The following CIDEC variants were observed in gnomAD, a reference collection of about 807,000 sequenced individuals.
CIDEC encodes cell death inducing DFFA like effector c, also known as lipid transferase CIDEC.
Under a neutral mutation model 21.9 loss-of-function variants are expected in CIDEC, and 11 were observed. That is an observed-to-expected ratio of 0.50 (90% CI 0.32 to 0.83). CIDEC has a LOEUF of 0.83. CIDEC is among the 40% of genes least tolerant of loss of function. The pLI, the probability that CIDEC is intolerant of heterozygous loss-of-function variation, is 0.04. For synonymous variants in CIDEC, 127 were observed against 124.9 expected, an observed-to-expected ratio of 1.02 and a Z score of -0.11; for missense variants, 302 against 302.3, an observed-to-expected ratio of 1.00 and a Z score of 0.01.
Position 9,866,917 on chromosome 3 carries a change from G to T in CIDEC, c.*217C>A. 1 of 652,478 alleles carries T rather than the reference G, an allele frequency of 1.5e-6. No individual in the cohort carries two copies. 40.4% of individuals were successfully genotyped at this position (652,478 alleles called of 1,614,324 possible). A position where few individuals can be genotyped will look rare whatever the true frequency, so the allele number is the denominator to read the frequency against. ...AGTCTGGATGGGCTAAGCTGCCTTGGGCAGGAAGGAGCTGGATCAGGCCAG... is the reference window on the plus strand; with the variant it reads ...AGTCTGGATGGGCTAAGCTGCCTTGTGCAGGAAGGAGCTGGATCAGGCCAG... On this transcript the variant is annotated 3_prime_UTR_variant, in exon 7 of 7. Transcript: ENST00000336832.
At chr3:9,877,328 C>T (rs2082440532) in intron 3 of CIDEC, 109 bp from the exon 4 acceptor site, 1 of 1,021,088 alleles carries the variant, frequency 9.8e-7, no homozygotes, top group East Asian at 2.6e-5. Context: ...GATCAGTCAA[C>T]CCCCCATCAC....
Position 9,878,985 on chromosome 3 carries a change from T to A in CIDEC, c.-69A>T, listed in dbSNP as rs2082468450. The A allele has an allele frequency of 4.6e-6, 3 of 656,926 alleles. No individual in the cohort carries two copies. The South Asian group carries it at 5.2e-5, about 11-fold the overall frequency. 40.7% of individuals were successfully genotyped at this position (656,926 alleles called of 1,614,324 possible). Reference sequence around the variant, plus strand: ...ACAGGCAGGCAGCCCAGTCAAAGCCTCCTCTCTCCCATGGGTCCTTGAGCA... The same window carrying A: ...ACAGGCAGGCAGCCCAGTCAAAGCCACCTCTCTCCCATGGGTCCTTGAGCA... On this transcript the variant is annotated 5_prime_UTR_variant, in exon 2 of 7. Transcript: ENST00000336832.
At chr3:9,870,715 T>A (rs1307200460) in intron 4 of CIDEC, among the ~76,000 whole-genome samples, 1 of 152,146 alleles carries the variant, frequency 6.6e-6, no homozygotes, top group East Asian at 1.9e-4. Context: ...TTGTAGCTCA[T>A]TGCAGCCTCC....
intron 3 of CIDEC, 86 bp downstream of exon 3, chr3:9,878,348 G>T: frequency 9.9e-7 from 1 of 1,011,468 alleles, no homozygotes; most frequent in Non-Finnish European, 1.6e-6. Flanking sequence ...GGTCCCCTGT[G>T]ACCTGTATAC....
At chr3:9,873,601 G>A (rs1422284802) in intron 4 of CIDEC, among the ~76,000 whole-genome samples, 7 of 152,114 alleles carry the variant, frequency 4.6e-5, no homozygotes, top group Admixed American at 2.6e-4. Context: ...GGGCGACAGA[G>A]TGAGACTCCG....
At position 9,867,251 on chromosome 3, in the gene CIDEC, G is replaced by A. The variant is rs17222536; in HGVS notation, c.600C>T (p.His200=). 146,118 of 1,614,072 alleles carry A rather than the reference G, an allele frequency of 0.091. 7,757 individuals carry two copies. Among genetic ancestry groups the A allele is most frequent in the Non-Finnish European group, 0.1 (120,203 of 1,179,966 alleles). ...WALFSMQATG[H]VLLGTSCYLQ... is the part of the protein sequence containing the mutation. ...GGTAACAGGAGGTGCCAAGCAGTAC[G>A]TGGCCTGTGGCCTGCATGCTGAAGA... is the stretch of plus-strand genomic sequence containing the variant. The change falls in exon 7 of 7, where the codon CAC becomes CAT. Residue 200 remains histidine, a synonymous_variant. Coordinates refer to ENST00000336832, the MANE Select transcript of CIDEC (RefSeq NM_001321142.2).
chr3:9,869,733 C>T (rs1301252814), intron 6 of CIDEC, 149 bp downstream of exon 6: 1 of 743,688 alleles, frequency 1.3e-6, no homozygotes, highest in Non-Finnish European at 2.3e-6. Flanking sequence ...TTCGAGAGCC[C>T]ATCAGGCTCC....
Position 9,871,960 on chromosome 3 carries a change from T to G in CIDEC, c.208-1638A>C, listed in dbSNP as rs554878542. Among the ~76,000 whole-genome samples the G allele has an allele frequency of 2.6e-5, 4 of 151,830 alleles. No individual in the cohort carries two copies. The East Asian group carries it at 5.8e-4, about 22-fold the overall frequency. On this transcript the variant is annotated intron_variant, in intron 4 of 6. Transcript: ENST00000336832. ...ATCTTTTTTTCGTTTGTTTGTTTTG[T>G]TTTTGGTTTTGTTTTGTTTTTTGTT... is the stretch of plus-strand genomic sequence containing the variant.
chr3:9,876,428 C>G (rs184832527), intron 4 of CIDEC, among the ~76,000 whole-genome samples: 1 of 151,946 alleles, frequency 6.6e-6, no homozygotes, highest in East Asian at 1.9e-4. Flanking sequence ...GAGCTGAGAT[C>G]ATGCCACTGC....
In CIDEC at chr3:9,867,214, G is replaced by T; in HGVS notation, c.637C>A (p.Leu213Ile). Residue 213 changes from leucine (L) to isoleucine (I), a missense_variant, in exon 7 of 7, where the codon CTC becomes ATC. Coordinates refer to ENST00000336832, the MANE Select transcript of CIDEC (RefSeq NM_001321142.2). ...GGCTGCCCTTCCTCCGTAGCATCGAGGAGCTGCTGCAGGTAACAGGAGGTG... is the reference window on the plus strand; with the variant it reads ...GGCTGCCCTTCCTCCGTAGCATCGATGAGCTGCTGCAGGTAACAGGAGGTG... ...LGTSCYLQQL[L>I]DATEEGQPPK... 1 of 1,614,162 alleles carries T rather than the reference G, an allele frequency of 6.2e-7. No homozygotes were observed. The highest frequency in any genetic ancestry group is 8.5e-7 in the Non-Finnish European group (1 of 1,180,014).
intron 6 of CIDEC, among the ~76,000 whole-genome samples, chr3:9,869,465 G>C (rs1446459474): frequency 2.6e-5 from 4 of 151,996 alleles, no homozygotes; most frequent in Non-Finnish European, 4.4e-5. Context: ...GGCCAGGCTG[G>C]TCTCAAACTC....
Position 9,870,005 on chromosome 3 carries a change from G to T in CIDEC, c.431C>A (p.Thr144Lys), listed in dbSNP as rs757906759. 6.2e-7 allele frequency: 1 copy of T among 1,614,190 alleles called. No individual in the cohort carries two copies. Among genetic ancestry groups the T allele is most frequent in the Non-Finnish European group, 8.5e-7 (1 of 1,180,026 alleles). ...PAKKIDVARV[T>K]FDLYKLNPQD... ...TGGGTTCAGCTTGTACAGATCAAACGTTACACGGGCCACATCAATCTTCTT... is the reference window on the plus strand; with the variant it reads ...TGGGTTCAGCTTGTACAGATCAAACTTTACACGGGCCACATCAATCTTCTT... The change falls in exon 6 of 7, where the codon ACG (threonine) becomes AAG (lysine). Residue 144 changes from threonine to lysine, a missense_variant. Transcript: ENST00000336832.
intron 6 of CIDEC, 32 bp from the exon 7 acceptor site, chr3:9,867,328 A>C: frequency 6.2e-7 from 1 of 1,612,710 alleles, no homozygotes; most frequent in East Asian, 2.2e-5. Flanking sequence ...GCAAGTCAAA[A>C]CCACGAAGTA....
rs770812690 is a variant in CIDEC at position 9,867,081 on chromosome 3, G to A, written c.*53C>T. 5.9e-5 allele frequency: 94 copies of A among 1,593,852 alleles called. No homozygotes were observed. Among genetic ancestry groups the A allele is most frequent in the Non-Finnish European group, 7.1e-5 (83 of 1,163,534 alleles). On this transcript the variant is annotated 3_prime_UTR_variant, in exon 7 of 7. Transcript: ENST00000336832. The stretch of plus-strand genomic sequence containing the variant: ...GGCTTGTGGGCACTACCAGTTAAGC[G>A]TGAGGCCCCCAGTCAGTCCTTCACT...
chr3:9,877,105 C>A lies in CIDEC; in HGVS notation c.168G>T (p.Lys56Asn). 1 of 1,553,328 alleles carries A rather than the reference C, an allele frequency of 6.4e-7. No individual in the cohort carries two copies. The highest frequency in any genetic ancestry group is 1.2e-5 in the South Asian group (1 of 84,140). Residue 56 changes from lysine (K) to asparagine (N), a missense_variant, in exon 4 of 7, where the codon AAG (lysine) becomes AAT (asparagine). Lys to Asn is a moderately conservative substitution (Grantham distance 94). Coordinates refer to ENST00000336832, the MANE Select transcript of CIDEC (RefSeq NM_001321142.2). ...RVSTADRSVR[K>N]GIMAYSLEDL... ...CCTCAAGACTGTAAGCCATGATGCC[C>A]TTCCTCACGCTTCGATCCGCCGTGC...
chr3:9,872,545 C>T (rs1364148184), intron 4 of CIDEC, among the ~76,000 whole-genome samples: 2 of 152,114 alleles, frequency 1.3e-5, no homozygotes, highest in African/African-American at 2.4e-5. Flanking sequence ...AAATCCTTTG[C>T]GCATTTTTAA....
At chr3:9,874,434 T>C (rs1575453227) in intron 4 of CIDEC, among the ~76,000 whole-genome samples, 2 of 152,018 alleles carry the variant, frequency 1.3e-5, no homozygotes, top group Admixed American at 1.3e-4. Flanking sequence ...CAGGATCACT[T>C]GAACCTAGGA....
Position 9,877,119 on chromosome 3 carries a change from G to C in CIDEC, c.154C>G (p.Arg52Gly). 1.3e-6 allele frequency: 2 copies of C among 1,552,926 alleles called. No homozygotes were observed. Among genetic ancestry groups the C allele is most frequent in the Non-Finnish European group, 8.7e-7 (1 of 1,147,626 alleles). The stretch of plus-strand genomic sequence containing the variant: ...GCCATGATGCCCTTCCTCACGCTTC[G>C]ATCCGCCGTGCTTACGCGGCAGGGC... ...ARPCRVSTAD[R>G]SVRKGIMAYS... Residue 52 changes from arginine to glycine, a missense_variant, in exon 4 of 7, where the codon CGA becomes GGA. Physicochemically the swap from Arg to Gly is moderately radical, Grantham distance 125. Transcript: ENST00000336832.
At position 9,868,968 on chromosome 3, in the gene CIDEC, G is replaced by A. The variant is rs571024306; in HGVS notation, c.554+914C>T. Among the ~76,000 whole-genome samples, 15 of 152,100 alleles carry A rather than the reference G, an allele frequency of 9.9e-5. 1 individual carries two copies. Among genetic ancestry groups the A allele is most frequent in the South Asian group, 8.3e-4 (4 of 4,814 alleles). On this transcript the variant is annotated intron_variant, in intron 6 of 6. Transcript: ENST00000336832. ...TTATAGGTACATACTACCACTGCCAGCATTTTGTGTGTGTGTGTGTGTGCG... is the reference window on the plus strand; with the variant it reads ...TTATAGGTACATACTACCACTGCCAACATTTTGTGTGTGTGTGTGTGTGCG...
Sources: allele counts gnomAD v4.1 joint callset (sites outside exome capture counted in the v4.1 genomes callset), GRCh38; gene constraint gnomAD v4.1.1; transcripts MANE v1.5; gene names NCBI Gene and HGNC (gene_info 2026-07-23, HGNC 2026-07-21).